The following DNAH10 variants were observed in gnomAD, a reference collection of about 807,000 sequenced individuals.
DNAH10 encodes the protein axonemal beta dynein heavy chain 10.
DNAH10 carries 348 observed loss-of-function variants against 506.6 expected under a neutral mutation model. The ratio of observed to expected loss-of-function variants is 0.69; its 90% CI spans 0.63 to 0.75. The LOEUF is 0.75. Ranked by LOEUF, DNAH10 falls within the 30% of genes least tolerant of loss-of-function variation. The pLI is 0.00. For synonymous variants in DNAH10, 2,059 were observed against 2,198.6 expected, an observed-to-expected ratio of 0.94 and a Z score of 1.78; for missense variants, 5,179 against 5,787.1, an observed-to-expected ratio of 0.89 and a Z score of 3.41.
intron 38 of DNAH10, among the ~76,000 whole-genome samples, chr12:123,859,490 A>T (rs1951533454): frequency 6.6e-6 from 1 of 152,202 alleles, no homozygotes; most frequent in Non-Finnish European, 1.5e-5. Context: ...TCAGATGGTG[A>T]ATAGGTTCAT....
intron 48 of DNAH10, among the ~76,000 whole-genome samples, chr12:123,878,728 C>G (rs1040952086): frequency 1.3e-5 from 2 of 152,094 alleles, no homozygotes; most frequent in African/African-American, 4.8e-5. Context: ...GAGACTCCAT[C>G]TCTACAAAAA....
intron 30 of DNAH10, among the ~76,000 whole-genome samples, chr12:123,844,013 G>A (rs1242004719): frequency 4.6e-5 from 7 of 152,200 alleles, no homozygotes; most frequent in Non-Finnish European, 2.9e-5. Context: ...ACTCAAGACT[G>A]GGTAATTTAT....
At chr12:123,898,089 C>T in intron 55 of DNAH10, 122 bp downstream of exon 55, 1 of 961,652 alleles carries the variant, frequency 1.0e-6, no homozygotes, top group Non-Finnish European at 1.5e-6. Flanking sequence ...CGAAGCACAT[C>T]TTGGATTTTG....
rs567700638 is a variant in DNAH10 at position 123,917,557 on chromosome 12, G to T, written c.11003-27G>T. Reference sequence around the variant, plus strand: ...AGACTGTTGTTGGGGGCCGCAGGTGGTGAGGGCCTCTCACTGTCCCCCACA... The same window carrying T: ...AGACTGTTGTTGGGGGCCGCAGGTGTTGAGGGCCTCTCACTGTCCCCCACA... On this transcript the variant is annotated intron_variant, in intron 63 of 78. Coordinates refer to ENST00000673944, the MANE Select transcript of DNAH10 (RefSeq NM_001372106.1). The surrounding 1 kb of genome is among the most constrained non-coding windows in gnomAD (Gnocchi z 5.6). The T allele has an allele frequency of 3.2e-6, 5 of 1,547,228 alleles. No individual in the cohort carries two copies. The South Asian group carries it at 3.6e-5, about 11-fold the overall frequency.
rs199575194 is a variant in DNAH10 at position 123,857,231 on chromosome 12, C to A, written c.6614C>A (p.Ala2205Glu). 35 of 1,565,882 alleles carry A rather than the reference C, an allele frequency of 2.2e-5. No individual in the cohort carries two copies. Among genetic ancestry groups the A allele is most frequent in the Admixed American group, 1.6e-4 (9 of 54,968 alleles). ...CAGGTCCTGGAGGAGAACGGCTACG[C>A]GGTCCTACCCATCCAGGTAAAGCCA... ...VEQVLEENGYAVLPIQVDKVV... is the reference protein window; with the variant it reads ...VEQVLEENGYEVLPIQVDKVV... The change falls in exon 37 of 79, where the codon GCG becomes GAG. Residue 2205 changes from alanine (A) to glutamate (E), a missense_variant. Ala to Glu is a moderately radical substitution (Grantham distance 107, BLOSUM62 -1). Around this residue, in one of 3 missense-constraint regions of DNAH10, gnomAD observed 4,844 missense variants for 5,430.5 expected, o/e 0.89. Coordinates refer to ENST00000673944, the MANE Select transcript of DNAH10 (RefSeq NM_001372106.1).
chr12:123,871,044 G>C (rs1315615968), intron 44 of DNAH10, among the ~76,000 whole-genome samples: 1 of 152,076 alleles, frequency 6.6e-6, no homozygotes, highest in Admixed American at 6.5e-5. Context: ...CTGTTTTCTC[G>C]GGAGCCCATC....
At chr12:123,897,259 T>C (rs1953294552) in intron 54 of DNAH10, among the ~76,000 whole-genome samples, 1 of 152,224 alleles carries the variant, frequency 6.6e-6, no homozygotes, top group Non-Finnish European at 1.5e-5. Context: ...TGCTGGACGC[T>C]TGGGTCTTTC....
At position 123,783,165 on chromosome 12, in the gene DNAH10, A is replaced by G; in HGVS notation, c.900A>G (p.Ala300=). ...TGGAGGGAGAGGTGTCTGACCTGGC[A>G]GCTGACCCGGAAACCGTTGACATCT... The part of the protein sequence containing the change: ...ISVEGEVSDL[A]ADPETVDILE... Residue 300 remains alanine (A), a synonymous_variant, in exon 7 of 79, where the codon GCA becomes GCG. Transcript: ENST00000673944. The G allele has an allele frequency of 6.2e-7, 1 of 1,614,216 alleles. No individual in the cohort carries two copies. Among genetic ancestry groups the G allele is most frequent in the Admixed American group, 1.7e-5 (1 of 60,024 alleles).
At chr12:123,768,819 G>A (rs1192555693) in intron 2 of DNAH10, among the ~76,000 whole-genome samples, 1 of 151,912 alleles carries the variant, frequency 6.6e-6, no homozygotes, top group African/African-American at 2.4e-5. Context: ...GCTCACTTTA[G>A]CCTCTAACTT....
chr12:123,871,192 T>G (rs1952017931), intron 44 of DNAH10, among the ~76,000 whole-genome samples: 1 of 152,218 alleles, frequency 6.6e-6, no homozygotes, highest in African/African-American at 2.4e-5. Context: ...GCTGAGTTTT[T>G]GATATCCTGG....
intron 34 of DNAH10, among the ~76,000 whole-genome samples, chr12:123,849,911 A>G (rs1430489938): frequency 1.3e-5 from 2 of 152,084 alleles, no homozygotes; most frequent in Non-Finnish European, 2.9e-5. Flanking sequence ...CTTTTGAGGG[A>G]TTTTTGGGGC....
intron 17 of DNAH10, among the ~76,000 whole-genome samples, 172 bp downstream of exon 17, chr12:123,803,997 G>A (rs774388618): frequency 5.9e-5 from 9 of 152,150 alleles, no homozygotes; most frequent in Admixed American, 2.0e-4. Flanking sequence ...ATCACGGGTA[G>A]CTATTACTTT....
intron 37 of DNAH10, among the ~76,000 whole-genome samples, chr12:123,858,595 G>A (rs1475107461): frequency 6.6e-6 from 1 of 152,182 alleles, no homozygotes; most frequent in Non-Finnish European, 1.5e-5. Context: ...ATCTACCCAA[G>A]AATGAGGACG....
In DNAH10 at chr12:123,917,521, G is replaced by A. The variant is rs904741829; in HGVS notation, c.11003-63G>A. The A allele has an allele frequency of 1.1e-5, 17 of 1,489,060 alleles. No individual in the cohort carries two copies. The highest frequency in any genetic ancestry group is 2.8e-5 in the African/African-American group (2 of 72,024). The allele number at this position is 1,489,060 out of a possible 1,614,324, so 92.2% of individuals were successfully genotyped here. The stretch of plus-strand genomic sequence containing the variant: ...CGCTAAGCTTGTCCCGTCACAGCAG[G>A]GCAGCGGGAGAGACTGTTGTTGGGG... On this transcript the variant is annotated intron_variant, in intron 63 of 78. Transcript: ENST00000673944. This position sits in a 1 kb window ranked among gnomAD's most constrained non-coding sequence, Gnocchi z 5.6.
intron 14 of DNAH10, 90 bp from the exon 15 acceptor site, chr12:123,800,126 C>A (rs1443972277): frequency 1.5e-6 from 2 of 1,370,994 alleles, no homozygotes; most frequent in African/African-American, 2.9e-5. Context: ...CAGTGTTGAT[C>A]TTTTTCATGT....
At chr12:123,825,433 C>T (rs574988247) in intron 24 of DNAH10, among the ~76,000 whole-genome samples, 3 of 152,302 alleles carry the variant, frequency 2.0e-5, no homozygotes, top group African/African-American at 4.8e-5. Context: ...ATCCACACCA[C>T]GGAATACTAC....
chr12:123,819,280 C>A, intron 23 of DNAH10, 30 bp downstream of exon 23: 3 of 1,527,312 alleles, frequency 2.0e-6, no homozygotes, highest in South Asian at 1.2e-5. Context: ...TCTTACTGAG[C>A]GATCTGAGTA....
At chr12:123,818,190 G>A (rs913546401) in intron 21 of DNAH10, among the ~76,000 whole-genome samples, 23 of 151,624 alleles carry the variant, frequency 1.5e-4, no homozygotes, top group African/African-American at 3.9e-4. Context: ...CAGGTGATCC[G>A]CCTGTCTCAG....
intron 35 of DNAH10, among the ~76,000 whole-genome samples, chr12:123,852,932 T>C (rs374160799): frequency 7.7e-4 from 117 of 152,014 alleles, no homozygotes; most frequent in African/African-American, 2.2e-3. Flanking sequence ...ATTTCTGGAG[T>C]GTGATTCCTA....
Sources: gnomAD v4.1 joint callset for allele counts (sites outside exome capture counted in the v4.1 genomes callset) on GRCh38, gnomAD v4.1.1 for gene constraint, gnomAD v4.1.1 regional missense constraint, Gnocchi (gnomAD v3.1) non-coding constraint, MANE v1.5 for transcripts, NCBI Gene and HGNC (gene_info 2026-07-23, HGNC 2026-07-21) for gene names.